NEMP2: variants seen among roughly 807,000 people sequenced by gnomAD.
NEMP2 encodes nuclear envelope integral membrane protein 2.
A neutral mutation model predicts 54.2 loss-of-function variants in NEMP2; 53 were observed. That is an observed-to-expected ratio of 0.98 (90% CI 0.78 to 1.23). The LOEUF is 1.23. NEMP2 is among the 50% of genes most tolerant of loss of function. The pLI is 0.00. For missense variants in NEMP2, 455 were observed against 511.3 expected (o/e 0.89, Z 1.06); for synonymous variants, 197 against 190.3 (o/e 1.04, Z -0.29).
At chr2:190,497,809 A>G in the NEMP2 span, 5 of 1,419,490 alleles carry the variant, frequency 3.5e-6, no homozygotes, top group African/African-American at 7.2e-5. The surrounding 1 kb of genome is among the most constrained non-coding windows in gnomAD (Gnocchi z 5.2). Flanking sequence ...TTCATTCAAC[A>G]AGATTTATTG....
chr2:190,569,356 T>C, the NEMP2 span, among the ~76,000 whole-genome samples: 5 of 151,940 alleles, frequency 3.3e-5, no homozygotes, highest in Middle Eastern at 3.2e-3. Context: ...TACTAAGCCA[T>C]TGATTTTATA....
At chr2:190,557,341 C>T in the NEMP2 span, among the ~76,000 whole-genome samples, 11 of 152,274 alleles carry the variant, frequency 7.2e-5, no homozygotes, top group Admixed American at 5.9e-4. Context: ...GGATTAAAGA[C>T]TTAAACGTAA....
the NEMP2 span, among the ~76,000 whole-genome samples, chr2:190,441,257 T>C: frequency 0.71 from 108,495 of 151,888 alleles, 39,469 homozygotes; most frequent in Admixed American, 0.79. Flanking sequence ...TGTCTTCTAC[T>C]TGGGTTCGGC....
At chr2:190,595,126 A>C in the NEMP2 span, among the ~76,000 whole-genome samples, 3 of 152,328 alleles carry the variant, frequency 2.0e-5, no homozygotes, top group African/African-American at 7.2e-5. This position sits in a 1 kb window ranked among gnomAD's most constrained non-coding sequence, Gnocchi z 4.0. Flanking sequence ...GATCTTTGAC[A>C]AGCCTGACAA....
the NEMP2 span, among the ~76,000 whole-genome samples, chr2:190,616,342 A>G: frequency 6.6e-6 from 1 of 152,274 alleles, no homozygotes; most frequent in African/African-American, 2.4e-5. The surrounding 1 kb of genome is among the most constrained non-coding windows in gnomAD (Gnocchi z 5.1). Context: ...AATTAGGGAC[A>G]TCATAAAAAT....
the NEMP2 span, among the ~76,000 whole-genome samples, chr2:190,576,001 G>GT: frequency 3.3e-5 from 5 of 150,634 alleles, no homozygotes; most frequent in Non-Finnish European, 7.4e-5. Flanking sequence ...TTGAGGCAGG[G>GT]TCTCCCTCTG....
At chr2:190,482,864 TCA>T in the NEMP2 span, among the ~76,000 whole-genome samples, 1 of 125,782 alleles carries the variant, frequency 8.0e-6, no homozygotes, top group African/African-American at 2.9e-5. Context: ...ATTAAGACTA[TCA>T]TCTTTTTTTT....
chr2:190,536,175 C>A (rs1322471819), upstream of NEMP2, among the ~76,000 whole-genome samples: 1 of 152,114 alleles, frequency 6.6e-6, no homozygotes. Flanking sequence ...CCGGAGATAA[C>A]AAGAATGTTA....
the NEMP2 span, among the ~76,000 whole-genome samples, chr2:190,550,737 C>T: frequency 3.9e-5 from 6 of 152,114 alleles, no homozygotes; most frequent in Non-Finnish European, 5.9e-5. The surrounding 1 kb of genome is among the most constrained non-coding windows in gnomAD (Gnocchi z 4.7). Flanking sequence ...TTATTAGTTT[C>T]AGGTAACTGT....
At chr2:190,489,745 T>C in the NEMP2 span, 105 of 1,604,674 alleles carry the variant, frequency 6.5e-5, no homozygotes, top group Non-Finnish European at 8.4e-5. The surrounding 1 kb of genome is among the most constrained non-coding windows in gnomAD (Gnocchi z 6.6). Flanking sequence ...AATTACTCTA[T>C]AGAGTGCTGT....
chr2:190,426,519 T>G, the NEMP2 span, among the ~76,000 whole-genome samples: 2 of 152,218 alleles, frequency 1.3e-5, no homozygotes, highest in African/African-American at 4.8e-5. The surrounding 1 kb of genome is among the most constrained non-coding windows in gnomAD (Gnocchi z 4.7). Context: ...CAATGCATGT[T>G]TGTTACATGG....
At chr2:190,463,730 G>C in the NEMP2 span, 1 of 247,576 alleles carries the variant, frequency 4.0e-6, no homozygotes, top group Non-Finnish European at 6.4e-6. The surrounding 1 kb of genome is among the most constrained non-coding windows in gnomAD (Gnocchi z 4.4). Context: ...TGAGGTGGGA[G>C]GATCACCTGG....
At chr2:190,470,612 G>T in the NEMP2 span, among the ~76,000 whole-genome samples, 1 of 152,178 alleles carries the variant, frequency 6.6e-6, no homozygotes, top group African/African-American at 2.4e-5. Flanking sequence ...ATCATTAATT[G>T]CACTAAACAG....
the NEMP2 span, among the ~76,000 whole-genome samples, chr2:190,639,672 G>A: frequency 6.1e-5 from 9 of 147,848 alleles, no homozygotes; most frequent in African/African-American, 1.0e-4. Flanking sequence ...GTTTTTTGAC[G>A]GAGTCTCACT....
At chr2:190,621,928 G>GT in the NEMP2 span, among the ~76,000 whole-genome samples, 1 of 152,036 alleles carries the variant, frequency 6.6e-6, no homozygotes, top group Non-Finnish European at 1.5e-5. Context: ...GGCCAACATG[G>GT]TGAAACCCCG....
the NEMP2 span, among the ~76,000 whole-genome samples, chr2:190,445,816 A>G: frequency 6.6e-6 from 1 of 152,194 alleles, no homozygotes; most frequent in African/African-American, 2.4e-5. Context: ...GTAATATGGA[A>G]AGAATAATGC....
At chr2:190,539,013 G>A (rs1344701688), upstream of NEMP2, among the ~76,000 whole-genome samples, 1 of 152,024 alleles carries the variant, frequency 6.6e-6, no homozygotes, top group Non-Finnish European at 1.5e-5. The surrounding 1 kb of genome is among the most constrained non-coding windows in gnomAD (Gnocchi z 4.1). Context: ...TACTTTTGTG[G>A]TCTTACCAAA....
the NEMP2 span, among the ~76,000 whole-genome samples, chr2:190,453,454 C>T: frequency 2.6e-5 from 4 of 152,176 alleles, no homozygotes; most frequent in African/African-American, 9.7e-5. Context: ...GCTCCATCTT[C>T]CTCCTCTCTA....
chr2:190,490,044 C>T, the NEMP2 span, among the ~76,000 whole-genome samples: 2 of 151,964 alleles, frequency 1.3e-5, no homozygotes, highest in Non-Finnish European at 2.9e-5. The surrounding 1 kb of genome is among the most constrained non-coding windows in gnomAD (Gnocchi z 4.5). Flanking sequence ...ACCTACTATG[C>T]AGAAAAAATA....
Sources: allele counts gnomAD v4.1 joint callset (sites outside exome capture counted in the v4.1 genomes callset), GRCh38; gene constraint gnomAD v4.1.1; non-coding constraint Gnocchi (gnomAD v3.1); transcripts MANE v1.5; gene names NCBI Gene and HGNC (gene_info 2026-07-23, HGNC 2026-07-21).